GRIK1: variants seen among roughly 807,000 people sequenced by gnomAD.
The protein encoded by GRIK1 is glutamate receptor ionotropic, kainate 1.
A neutral mutation model predicts 105.7 loss-of-function variants in GRIK1; 69 were observed. The ratio of observed to expected loss-of-function variants is 0.65; its 90% CI spans 0.54 to 0.80. The LOEUF is 0.80. Among genes scored for constraint, GRIK1 ranks in the 30% least tolerant of loss-of-function variants. GRIK1 has a pLI of 0.00. For synonymous variants in GRIK1, 438 were observed against 431.3 expected, an observed-to-expected ratio of 1.02 and a Z score of -0.19; for missense variants, 1,109 against 1,167.3, an observed-to-expected ratio of 0.95 and a Z score of 0.73.
At chr21:29,718,091 C>T (rs565268400) in intron 1 of GRIK1, among the ~76,000 whole-genome samples, 102 of 152,254 alleles carry the variant, frequency 6.7e-4, no homozygotes, top group Non-Finnish European at 1.3e-3. Flanking sequence ...GCCCCTTCCA[C>T]CATAATTGTA....
At chr21:29,563,784 G>C (rs2090543455) in intron 14 of GRIK1, among the ~76,000 whole-genome samples, 1 of 152,032 alleles carries the variant, frequency 6.6e-6, no homozygotes, top group African/African-American at 2.4e-5. Flanking sequence ...TTTAGAGATC[G>C]GCTCATACAA....
chr21:29,590,992 T>C, intron 10 of GRIK1, 120 bp downstream of exon 10: 1 of 722,584 alleles, frequency 1.4e-6, no homozygotes, highest in Non-Finnish European at 2.6e-6. Flanking sequence ...TTTAGTGTCC[T>C]AGTTAAAAAT....
intron 1 of GRIK1, among the ~76,000 whole-genome samples, chr21:29,884,342 T>C (rs2069529366): frequency 6.6e-6 from 1 of 152,044 alleles, no homozygotes; most frequent in Admixed American, 6.6e-5. Context: ...TATCCTATCG[T>C]AAAATGTTTT....
At chr21:29,863,797 A>G (rs2068721371) in intron 1 of GRIK1, among the ~76,000 whole-genome samples, 1 of 152,188 alleles carries the variant, frequency 6.6e-6, no homozygotes, top group Non-Finnish European at 1.5e-5. Flanking sequence ...TAAGGCAGGT[A>G]ATACTTTTAC....
chr21:29,815,574 A>C (rs2067133275), intron 1 of GRIK1, among the ~76,000 whole-genome samples: 1 of 152,164 alleles, frequency 6.6e-6, no homozygotes, highest in Non-Finnish European at 1.5e-5. Flanking sequence ...TTTCCCACTG[A>C]CTAAAGAAAG....
chr21:29,815,731 A>G (rs1390625508), intron 1 of GRIK1, among the ~76,000 whole-genome samples: 4 of 152,180 alleles, frequency 2.6e-5, no homozygotes, highest in Admixed American at 1.3e-4. Flanking sequence ...TATGAGCACA[A>G]TTAAAAATAC....
chr21:29,832,981 G>T (rs2145971797), intron 1 of GRIK1, among the ~76,000 whole-genome samples: 1 of 152,240 alleles, frequency 6.6e-6, no homozygotes, highest in Non-Finnish European at 1.5e-5. Context: ...GCTAGAAGCA[G>T]CCAGGTCACT....
At chr21:29,938,216 C>T (rs537407919) in intron 1 of GRIK1, among the ~76,000 whole-genome samples, 74 of 152,330 alleles carry the variant, frequency 4.9e-4, no homozygotes, top group African/African-American at 1.5e-3. Flanking sequence ...TCTGGCACTG[C>T]TCCTGGCATA....
At chr21:29,843,340 T>C (rs959149864) in intron 1 of GRIK1, among the ~76,000 whole-genome samples, 2 of 152,194 alleles carry the variant, frequency 1.3e-5, no homozygotes, top group African/African-American at 2.4e-5. Flanking sequence ...TTACAATGTT[T>C]GTTTGTTTGC....
chr21:29,543,563 C>T (rs2090003931), intron 16 of GRIK1, among the ~76,000 whole-genome samples: 1 of 152,144 alleles, frequency 6.6e-6, no homozygotes, highest in African/African-American at 2.4e-5. Context: ...AGCGCATTCA[C>T]AACCCATGGG....
At chr21:29,625,665 A>G (rs1291965903) in intron 7 of GRIK1, among the ~76,000 whole-genome samples, 3 of 152,188 alleles carry the variant, frequency 2.0e-5, no homozygotes, top group Non-Finnish European at 4.4e-5. Flanking sequence ...GTATGCAAAT[A>G]TGTAATGCAC....
chr21:29,785,590 C>T (rs1056961312), intron 1 of GRIK1, among the ~76,000 whole-genome samples: 7 of 149,436 alleles, frequency 4.7e-5, no homozygotes, highest in Non-Finnish European at 8.9e-5. Context: ...AAAAAGCCCC[C>T]GAAAAACCCA....
chr21:29,887,984 C>G (rs2069700335), intron 1 of GRIK1, among the ~76,000 whole-genome samples: 1 of 151,644 alleles, frequency 6.6e-6, no homozygotes. Context: ...AGATTGGCAA[C>G]TAGAAGTATC....
At position 29,654,807 on chromosome 21, in the gene GRIK1, T is replaced by C; in HGVS notation, c.780+3A>G. ...GGAATACATTTCTCCCAGATGCACTTACCAGGGTTGTGAAAAAGTAGTGAT... is the reference window on the plus strand; with the variant it reads ...GGAATACATTTCTCCCAGATGCACTCACCAGGGTTGTGAAAAAGTAGTGAT... On this transcript the variant is annotated splice_donor_region_variant and intron_variant, in intron 5 of 17. Transcript: ENST00000327783. The C allele has an allele frequency of 1.3e-6, 2 of 1,534,826 alleles. No individual in the cohort carries two copies. Among genetic ancestry groups the C allele is most frequent in the East Asian group, 2.2e-5 (1 of 44,506 alleles).
intron 1 of GRIK1, among the ~76,000 whole-genome samples, chr21:29,889,645 A>T (rs138600311): frequency 2.9e-4 from 44 of 152,196 alleles, no homozygotes; most frequent in Admixed American, 1.6e-3. Flanking sequence ...ACATTACAGG[A>T]TCTAAATTAC....
chr21:29,749,011 T>C (rs1387913933), intron 1 of GRIK1: 1 of 152,236 alleles, frequency 6.6e-6, no homozygotes, highest in Non-Finnish European at 1.5e-5. Context: ...AGCGTGTCCC[T>C]GGAAGCTACA....
chr21:29,614,403 T>TA (rs2061798075), intron 7 of GRIK1, among the ~76,000 whole-genome samples: 1 of 28,436 alleles, frequency 3.5e-5, no homozygotes, highest in African/African-American at 8.6e-4. Flanking sequence ...AAAATCCCTC[T>TA]TTTTTTTTTT....
chr21:29,697,386 C>T (rs1188194334), intron 1 of GRIK1, among the ~76,000 whole-genome samples: 1 of 152,112 alleles, frequency 6.6e-6, no homozygotes, highest in Non-Finnish European at 1.5e-5. Flanking sequence ...CACATAAAGC[C>T]AAATGAACCT....
chr21:29,899,488 T>C (rs924245723), intron 1 of GRIK1, among the ~76,000 whole-genome samples: 1 of 152,154 alleles, frequency 6.6e-6, no homozygotes, highest in Non-Finnish European at 1.5e-5. Context: ...TCTCTTGTCA[T>C]AGTCATGTAA....
Sources: gnomAD v4.1 joint callset for allele counts (sites outside exome capture counted in the v4.1 genomes callset) on GRCh38, gnomAD v4.1.1 for gene constraint, MANE v1.5 for transcripts, NCBI Gene and HGNC (gene_info 2026-07-23, HGNC 2026-07-21) for gene names.